Variants in MGST2 observed in about 807,000 individuals in gnomAD.
The protein encoded by MGST2 is glutathione peroxidase MGST2.
In MGST2, 9 loss-of-function variants were observed where a neutral mutation model predicts 16.6. That is an observed-to-expected ratio of 0.54 (90% confidence interval 0.33 to 0.95). The LOEUF (loss-of-function observed/expected upper bound fraction) is 0.95, where lower values mean the gene tolerates loss of function less well. Among genes scored for constraint, MGST2 ranks in the 40% least tolerant of loss-of-function variants. The probability of loss-of-function intolerance (pLI) is 0.03; values close to 1 mark genes in which losing one functional copy is unlikely to be tolerated. For synonymous variants in MGST2, 79 were observed against 68.0 expected (o/e 1.16, Z -0.79); for missense variants, 159 against 175.1 (o/e 0.91, Z 0.52).
At chr4:139,680,144 T>A (rs1374292592) in intron 2 of MGST2, among the ~76,000 whole-genome samples, 1 of 152,250 alleles carries the variant, frequency 6.6e-6, no homozygotes, top group Non-Finnish European at 1.5e-5. Context: ...AGAAATAATT[T>A]CATGCTCCTT....
In MGST2 at chr4:139,735,670, T is replaced by C. The variant is rs956429229; in HGVS notation, c.*49-4542T>C. Among the ~76,000 whole-genome samples the C allele has an allele frequency of 9.5e-4, 145 of 152,306 alleles. No individual in the cohort carries two copies. Among genetic ancestry groups the C allele is most frequent in the African/African-American group, 3.3e-3 (139 of 41,562 alleles). ...AACCTAAATGAAATTTAGGGTTTTATTGAAAAAGTCCCCTGGGGCCTAATT... is the reference window on the plus strand; with the variant it reads ...AACCTAAATGAAATTTAGGGTTTTACTGAAAAAGTCCCCTGGGGCCTAATT... On this transcript the variant is annotated intron_variant, in intron 5 of 5. Coordinates refer to the MGST2 transcript ENST00000616265. This position sits in a 1 kb window ranked among gnomAD's most constrained non-coding sequence, Gnocchi z 5.8.
chr4:139,744,022 A>C (rs1729241291), downstream of MGST2, among the ~76,000 whole-genome samples: 1 of 152,222 alleles, frequency 6.6e-6, no homozygotes, highest in Non-Finnish European at 1.5e-5. Context: ...GCAGGGTCCC[A>C]GTCACTCTTA....
intron 5 of MGST2, among the ~76,000 whole-genome samples, chr4:139,721,296 G>A (rs1257330825): frequency 6.6e-6 from 1 of 152,200 alleles, no homozygotes; most frequent in Non-Finnish European, 1.5e-5. Flanking sequence ...CAAGGGAATG[G>A]AAATGTCGCC....
chr4:139,719,696 G>A (rs370016853), intron 5 of MGST2: 18 of 1,613,568 alleles, frequency 1.1e-5, no homozygotes, highest in South Asian at 6.6e-5. Flanking sequence ...CACTGTGCCC[G>A]TGTTAGCATC....
downstream of MGST2, among the ~76,000 whole-genome samples, chr4:139,743,601 G>A (rs1729228467): frequency 6.6e-6 from 1 of 152,146 alleles, no homozygotes; most frequent in African/African-American, 2.4e-5. Flanking sequence ...AGGGGTGAGT[G>A]GGGATGACAA....
chr4:139,721,939 G>A (rs1433778022), intron 5 of MGST2, among the ~76,000 whole-genome samples: 1 of 152,130 alleles, frequency 6.6e-6, no homozygotes, highest in African/African-American at 2.4e-5. Flanking sequence ...GTGGTGAAAT[G>A]GGTTATTGAG....
At chr4:139,725,873 A>G (rs1466150410) in intron 5 of MGST2, 7 of 1,538,388 alleles carry the variant, frequency 4.6e-6, no homozygotes, top group Non-Finnish European at 6.3e-6. Context: ...GAGAGGTGAG[A>G]TAGGGAGCAA....
downstream of MGST2, among the ~76,000 whole-genome samples, chr4:139,709,081 T>TAA (rs1560759832): frequency 5.6e-4 from 70 of 125,836 alleles, no homozygotes; most frequent in East Asian, 0.011. Flanking sequence ...ATTTTTTTTT[T>TAA]TTTTTTTTTT....
In MGST2 at chr4:139,719,821, C is replaced by A; in HGVS notation, c.*48+15625C>A. On this transcript the variant is annotated intron_variant, in intron 5 of 5. Transcript: ENST00000616265. Reference sequence around the variant, plus strand: ...ATGGTCCCAATTCTCCACTAGTCCTCCCAGGCATGCCCTGCAAGCTCCTCT... The same window carrying A: ...ATGGTCCCAATTCTCCACTAGTCCTACCAGGCATGCCCTGCAAGCTCCTCT... 3 of 1,613,584 alleles carry A rather than the reference C, an allele frequency of 1.9e-6. No homozygotes were observed. The South Asian group carries it at 3.3e-5, about 18-fold the overall frequency.
intron 1 of MGST2, among the ~76,000 whole-genome samples, chr4:139,667,519 G>A (rs1475275896): frequency 2.0e-5 from 3 of 151,894 alleles, no homozygotes; most frequent in Admixed American, 2.0e-4. Flanking sequence ...AGAGAGGAGA[G>A]GAGACTGGGT....
At chr4:139,704,697 C>T (rs2110911908), downstream of MGST2, among the ~76,000 whole-genome samples, 1 of 152,220 alleles carries the variant, frequency 6.6e-6, no homozygotes, top group Middle Eastern at 3.4e-3. Context: ...CCGAGGCGGG[C>T]AGATCACAAG....
At chr4:139,721,508 A>G (rs1728232710) in intron 5 of MGST2, among the ~76,000 whole-genome samples, 1 of 152,206 alleles carries the variant, frequency 6.6e-6, no homozygotes, top group African/African-American at 2.4e-5. Context: ...CCAGATGAGA[A>G]TAGTCTAACC....
chr4:139,747,062 A>AG, the MGST2 span, among the ~76,000 whole-genome samples: 1 of 152,140 alleles, frequency 6.6e-6, no homozygotes, highest in Non-Finnish European at 1.5e-5. Flanking sequence ...TGCAGCCCTT[A>AG]GTGGTTTTGT....
In MGST2 at chr4:139,669,448, C is replaced by T. The variant is rs537317110; in HGVS notation, c.58+3371C>T. Among the ~76,000 whole-genome samples, 4 of 152,308 alleles carry T rather than the reference C, an allele frequency of 2.6e-5. No homozygotes were observed. The South Asian group carries it at 6.2e-4, about 24-fold the overall frequency. The stretch of plus-strand genomic sequence containing the variant: ...TAGCCACTTCCCAGCTGGGTGTCCC[C>T]GTTCAGGATACACTGCCCTTCAATG... On this transcript the variant is annotated intron_variant, in intron 1 of 4. Coordinates refer to ENST00000265498, the MANE Select transcript of MGST2 (RefSeq NM_002413.5).
At chr4:139,751,670 G>A in the MGST2 span, among the ~76,000 whole-genome samples, 1 of 152,150 alleles carries the variant, frequency 6.6e-6, no homozygotes, top group Admixed American at 6.5e-5. Flanking sequence ...AGGTTCTAAG[G>A]GGTGGTACAC....
chr4:139,719,511 G>C, intron 5 of MGST2: 6 of 1,613,934 alleles, frequency 3.7e-6, no homozygotes, highest in Non-Finnish European at 5.1e-6. Context: ...TGGCTGCTTG[G>C]AGCAAAGCTG....
intron 3 of MGST2, among the ~76,000 whole-genome samples, chr4:139,696,622 T>C (rs1354409226): frequency 6.6e-6 from 1 of 152,198 alleles, no homozygotes; most frequent in African/African-American, 2.4e-5. Flanking sequence ...CCCACATTCT[T>C]TGCCACAGCC....
chr4:139,739,861 T>A (rs13126163), intron 5 of MGST2, among the ~76,000 whole-genome samples: 61,749 of 151,762 alleles, frequency 0.41, 13,577 homozygotes, highest in South Asian at 0.57. Context: ...GTATTATTTT[T>A]AAAAGCTTGT....
chr4:139,747,512 G>A, the MGST2 span, among the ~76,000 whole-genome samples: 2 of 151,868 alleles, frequency 1.3e-5, no homozygotes, highest in South Asian at 4.2e-4. Flanking sequence ...TGGCCAACAT[G>A]GTGAAACCCC....
Sources: gnomAD v4.1 joint callset for allele counts (sites outside exome capture counted in the v4.1 genomes callset) on GRCh38, gnomAD v4.1.1 for gene constraint, Gnocchi (gnomAD v3.1) non-coding constraint, MANE v1.5 for transcripts, NCBI Gene and HGNC (gene_info 2026-07-23, HGNC 2026-07-21) for gene names.